The following HSD17B2 variants were observed in gnomAD, a reference collection of about 807,000 sequenced individuals.
HSD17B2 encodes 17-beta-hydroxysteroid dehydrogenase type 2.
HSD17B2 carries 32 observed loss-of-function variants against 26.9 expected under a neutral mutation model. The ratio of observed to expected loss-of-function variants is 1.19; its 90% CI spans 0.90 to 1.60. The LOEUF is 1.60. Among genes scored for constraint, HSD17B2 ranks in the 40% most tolerant of loss-of-function variants. The pLI is 0.00. For missense variants in HSD17B2, 613 were observed against 468.6 expected (o/e 1.31, Z -2.85); for synonymous variants, 246 against 186.7 (o/e 1.32, Z -2.59).
At chr16:82,064,942 C>T (rs935680142) in intron 1 of HSD17B2, among the ~76,000 whole-genome samples, 7 of 152,176 alleles carry the variant, frequency 4.6e-5, no homozygotes, top group East Asian at 1.9e-4. Flanking sequence ...CAGACAGTAT[C>T]GGACACTGCT....
At chr16:82,069,906 G>T (rs539305433) in intron 2 of HSD17B2, among the ~76,000 whole-genome samples, 1 of 152,074 alleles carries the variant, frequency 6.6e-6, no homozygotes, top group Admixed American at 6.5e-5. Flanking sequence ...AGATCCCCCA[G>T]ACCCAATTAA....
intron 1 of HSD17B2, among the ~76,000 whole-genome samples, chr16:82,048,193 T>A (rs1000201063): frequency 2.0e-5 from 3 of 151,850 alleles, no homozygotes; most frequent in Admixed American, 1.3e-4. Flanking sequence ...GAGAGACGAG[T>A]GTAGACAGAG....
rs571560532 is a variant in HSD17B2 at position 82,044,803 on chromosome 16, C to A, written c.265+9114C>A. ...TAGGAAGTGGGGAAGAAGTGTTCCCCTGTCACACTAGGTCCAGAAAACCAA... is the reference window on the plus strand; with the variant it reads ...TAGGAAGTGGGGAAGAAGTGTTCCCATGTCACACTAGGTCCAGAAAACCAA... On this transcript the variant is annotated intron_variant, in intron 1 of 4. Transcript: ENST00000199936. Among the ~76,000 whole-genome samples the A allele has an allele frequency of 7.9e-5, 12 of 152,198 alleles. No individual in the cohort carries two copies. The South Asian group carries it at 2.5e-3, about 32-fold the overall frequency.
chr16:82,085,160 A>C (rs1024513479), intron 3 of HSD17B2, among the ~76,000 whole-genome samples: 2 of 152,208 alleles, frequency 1.3e-5, no homozygotes, highest in African/African-American at 4.8e-5. Context: ...AGACTGTGGG[A>C]TCATTCCTGG....
At chr16:82,054,362 T>G (rs948379840) in intron 1 of HSD17B2, among the ~76,000 whole-genome samples, 6 of 152,228 alleles carry the variant, frequency 3.9e-5, no homozygotes, top group Non-Finnish European at 8.8e-5. Context: ...CTTTTTTTTT[T>G]GGGACAGAGT....
rs376928281 is a variant in HSD17B2, at chr16:82,068,166, G to C, written c.266-4G>C. 6.2e-7 allele frequency: 1 copy of C among 1,613,976 alleles called. No individual in the cohort carries two copies. On this transcript the variant is annotated splice_region_variant and splice_polypyrimidine_tract_variant and intron_variant, in intron 1 of 4. Transcript: ENST00000199936. ...TCACTCCCTACTCCCCTGACCCTAT[G>C]CAGGTGGTGATTGCGGGCTTGGCCA...
chr16:82,056,466 C>T (rs1008235461), intron 1 of HSD17B2: 67 of 152,010 alleles, frequency 4.4e-4, no homozygotes, highest in African/African-American at 1.5e-3. Context: ...AGAAGCCAGC[C>T]ACAAAGAGGA....
intron 1 of HSD17B2, among the ~76,000 whole-genome samples, chr16:82,042,321 T>C (rs1274797355): frequency 1.3e-5 from 2 of 151,992 alleles, no homozygotes; most frequent in African/African-American, 4.8e-5. Context: ...AGTGCTAGGA[T>C]GACAGGCGTG....
At chr16:82,084,282 G>C (rs1199894809) in intron 3 of HSD17B2, among the ~76,000 whole-genome samples, 1 of 152,074 alleles carries the variant, frequency 6.6e-6, no homozygotes, top group African/African-American at 2.4e-5. Flanking sequence ...GTGCATTACG[G>C]GGTGTTTAAC....
chr16:82,096,166 A>T (rs536922182), intron 4 of HSD17B2: 15 of 152,304 alleles, frequency 9.8e-5, no homozygotes, highest in African/African-American at 3.4e-4. Flanking sequence ...ATATATTTTT[A>T]AAAACATAAA....
chr16:82,096,644 A>C (rs1904847687), intron 4 of HSD17B2: 1 of 152,098 alleles, frequency 6.6e-6, no homozygotes, highest in South Asian at 2.1e-4. Context: ...TGTAGACATT[A>C]CATGATATAT....
intron 3 of HSD17B2, among the ~76,000 whole-genome samples, chr16:82,072,969 G>A (rs1379337968): frequency 6.6e-6 from 1 of 152,182 alleles, no homozygotes; most frequent in African/African-American, 2.4e-5. Flanking sequence ...GGAGGCTGAG[G>A]TGAATCTGTT....
At chr16:82,089,028 C>T (rs1904608660) in intron 3 of HSD17B2, among the ~76,000 whole-genome samples, 4 of 152,160 alleles carry the variant, frequency 2.6e-5, no homozygotes, top group Non-Finnish European at 4.4e-5. Flanking sequence ...GCTCCACCCT[C>T]AGGACTTAAT....
intron 1 of HSD17B2, among the ~76,000 whole-genome samples, chr16:82,053,665 G>A (rs1362574611): frequency 6.6e-6 from 1 of 152,134 alleles, no homozygotes; most frequent in East Asian, 1.9e-4. Context: ...GAGAGAAGCT[G>A]AGTGAATTGA....
intron 1 of HSD17B2, among the ~76,000 whole-genome samples, chr16:82,057,591 A>G (rs1015160662): frequency 3.9e-5 from 6 of 152,208 alleles, no homozygotes; most frequent in African/African-American, 1.4e-4. Flanking sequence ...CAGTGGAGAA[A>G]ACTGATGAAC....
chr16:82,047,655 G>A (rs187886292), intron 1 of HSD17B2, among the ~76,000 whole-genome samples: 15 of 152,290 alleles, frequency 9.8e-5, no homozygotes, highest in Non-Finnish European at 1.6e-4. Context: ...CAACTGGAGG[G>A]ACTTTATGAA....
In HSD17B2 at chr16:82,098,264, C is replaced by T. The variant is rs142879258; in HGVS notation, c.992C>T (p.Ala331Val). 2.1e-4 allele frequency: 341 copies of T among 1,614,174 alleles called. 1 individual carries two copies. The African/African-American group carries it at 4.1e-3, about 19-fold the overall frequency. ...CGGGACATCCAGCATGCTATCTTGG[C>T]GAAGAGCCCTTTTGCCTATTACACG... Reference protein sequence around the residue: ...VLRDIQHAILAKSPFAYYTPG... With the variant: ...VLRDIQHAILVKSPFAYYTPG... The change falls in exon 5 of 5, where the codon GCG becomes GTG. Residue 331 changes from alanine to valine, a missense_variant. Physicochemically the swap from Ala to Val is moderately conservative, Grantham distance 64. Transcript: ENST00000199936.
chr16:82,041,416 T>C (rs1189539073), intron 1 of HSD17B2, among the ~76,000 whole-genome samples: 3 of 152,228 alleles, frequency 2.0e-5, no homozygotes, highest in Admixed American at 1.3e-4. Flanking sequence ...CAGAGTGACA[T>C]GGCTGAGCTG....
chr16:82,040,488 C>T (rs918255700), intron 1 of HSD17B2, among the ~76,000 whole-genome samples: 2 of 152,240 alleles, frequency 1.3e-5, no homozygotes, highest in Non-Finnish European at 2.9e-5. Context: ...AAACCCAGAT[C>T]AGATCCATCT....
Sources: gnomAD v4.1 joint callset for allele counts (sites outside exome capture counted in the v4.1 genomes callset) on GRCh38, gnomAD v4.1.1 for gene constraint, MANE v1.5 for transcripts, NCBI Gene and HGNC (gene_info 2026-07-23, HGNC 2026-07-21) for gene names.